Variants in DUSP16 observed in about 807,000 individuals in gnomAD.
The protein encoded by DUSP16 is dual specificity protein phosphatase 16.
Under a neutral mutation model 58.3 loss-of-function variants are expected in DUSP16, and 21 were observed. That is an observed-to-expected ratio of 0.36 (90% confidence interval 0.26 to 0.52). The LOEUF is 0.52. DUSP16 is among the 20% of genes least tolerant of loss of function. The pLI is 0.94. For missense variants in DUSP16, 726 were observed against 819.0 expected, an observed-to-expected ratio of 0.89 and a Z score of 1.39; for synonymous variants, 320 against 323.8, an observed-to-expected ratio of 0.99 and a Z score of 0.12.
intron 4 of DUSP16, among the ~76,000 whole-genome samples, chr12:12,495,227 A>C (rs1943812575): frequency 7.4e-6 from 1 of 135,748 alleles, no homozygotes; most frequent in African/African-American, 2.7e-5. Context: ...TATCTCAGTA[A>C]AGCCATTACA....
chr12:12,518,104 C>T (rs12809855), intron 3 of DUSP16, among the ~76,000 whole-genome samples: 1 of 152,228 alleles, frequency 6.6e-6, no homozygotes, highest in Non-Finnish European at 1.5e-5. Context: ...CTCTGGGGGG[C>T]TGTCTACTTG....
intron 1 of DUSP16, among the ~76,000 whole-genome samples, chr12:12,551,323 G>A (rs925057241): frequency 2.0e-5 from 3 of 151,758 alleles, no homozygotes; most frequent in South Asian, 2.1e-4. Flanking sequence ...CCAACATGGC[G>A]AAACCCCCAT....
At chr12:12,549,120 A>G (rs1048316357) in intron 1 of DUSP16, among the ~76,000 whole-genome samples, 2 of 152,122 alleles carry the variant, frequency 1.3e-5, no homozygotes, top group African/African-American at 2.4e-5. Flanking sequence ...CCAAAACCCA[A>G]AACCTAATTT....
intron 1 of DUSP16, among the ~76,000 whole-genome samples, chr12:12,551,299 C>T (rs762504153): frequency 3.3e-5 from 5 of 151,730 alleles, no homozygotes; most frequent in Non-Finnish European, 7.4e-5. Flanking sequence ...GCCAGGAGTT[C>T]AAGACCAGCC....
chr12:12,501,240 G>T (rs761558535), intron 3 of DUSP16, among the ~76,000 whole-genome samples: 1 of 152,126 alleles, frequency 6.6e-6, no homozygotes, highest in Non-Finnish European at 1.5e-5. Context: ...GGATTCCCTG[G>T]GCAGTTAGTC....
rs1943490265 is a variant in DUSP16 at position 12,478,000 on chromosome 12, T to C, written c.831A>G (p.Lys277=). The change falls in exon 7 of 7, where the codon AAA becomes AAG. Residue 277 remains lysine (K), a synonymous_variant. Transcript: ENST00000298573. The surrounding 1 kb of genome is among the most constrained non-coding windows in gnomAD (Gnocchi z 4.1). ...TGAAGTTTGGAGATATAGTAGGTCT[T>C]TTTTCTTTCACAAATCTGCAGAGAG... ...LDEAYRFVKE[K]RPTISPNFNF... 6.3e-7 allele frequency: 1 copy of C among 1,578,670 alleles called. No homozygotes were observed.
intron 1 of DUSP16, among the ~76,000 whole-genome samples, 151 bp downstream of exon 1, chr12:12,561,966 C>G (rs1353324281): frequency 2.0e-5 from 3 of 150,402 alleles, no homozygotes; most frequent in South Asian, 2.1e-4. Context: ...CCGGTACGCC[C>G]GGGAAGGCAG....
intron 1 of DUSP16, among the ~76,000 whole-genome samples, chr12:12,549,714 G>C (rs1944697509): frequency 6.6e-6 from 1 of 151,484 alleles, no homozygotes; most frequent in East Asian, 1.9e-4. Context: ...CCTGGATTTT[G>C]AATACAATAA....
chr12:12,554,731 C>G (rs1167818749), intron 1 of DUSP16: 1 of 151,880 alleles, frequency 6.6e-6, no homozygotes, highest in African/African-American at 2.4e-5. Flanking sequence ...ACTATTATAG[C>G]TGAAAACATT....
In DUSP16 at chr12:12,477,717, C is replaced by G. The variant is rs756649680; in HGVS notation, c.1114G>C (p.Glu372Gln). The G allele has an allele frequency of 5.6e-6, 9 of 1,612,462 alleles. No homozygotes were observed. The highest frequency in any genetic ancestry group is 5.5e-5 in the South Asian group (5 of 90,954). ...SVPSVQPSLL[E>Q]DSPLVQALSG... ...AGCGCCTGTACCAGCGGGCTGTCCT[C>G]TAACAGCGACGGCTGCACGCTGGGC... Residue 372 changes from glutamate to glutamine, a missense_variant, in exon 7 of 7, where the codon GAG (glutamate) becomes CAG (glutamine). By Grantham distance (29) the Glu-to-Gln change is conservative. Transcript: ENST00000298573. This position sits in a 1 kb window ranked among gnomAD's most constrained non-coding sequence, Gnocchi z 4.1.
intron 3 of DUSP16, among the ~76,000 whole-genome samples, chr12:12,502,246 A>C (rs892698831): frequency 6.6e-6 from 1 of 152,212 alleles, no homozygotes; most frequent in Non-Finnish European, 1.5e-5. Flanking sequence ...TAATTCAAGC[A>C]TAATTCAGCC....
At chr12:12,560,618 T>C (rs917868839) in intron 1 of DUSP16, 4 of 152,196 alleles carry the variant, frequency 2.6e-5, no homozygotes, top group East Asian at 1.9e-4. Flanking sequence ...CTGCTTTTCA[T>C]TTTACTTCTC....
In DUSP16 at chr12:12,477,856, A is replaced by G; in HGVS notation, c.975T>C (p.Ala325=). The change falls in exon 7 of 7, where the codon GCT becomes GCC. Residue 325 remains alanine, a synonymous_variant. Transcript: ENST00000298573. This position sits in a 1 kb window ranked among gnomAD's most constrained non-coding sequence, Gnocchi z 4.1. Reference sequence around the variant, plus strand: ...CGCTTTTCTGTCCACCCTCTGAGACAGCAGGGACAGGTTCATTTGGCTTCT... The same window carrying G: ...CGCTTTTCTGTCCACCCTCTGAGACGGCAGGGACAGGTTCATTTGGCTTCT... The part of the protein sequence containing the change: ...HLEKPNEPVP[A]VSEGGQKSET... 1.2e-6 allele frequency: 2 copies of G among 1,614,170 alleles called. No individual in the cohort carries two copies. The highest frequency in any genetic ancestry group is 1.7e-6 in the Non-Finnish European group (2 of 1,180,044).
In DUSP16 at chr12:12,488,606, CT is replaced by C. The variant is rs1337838994; in HGVS notation, c.532-1420del. On this transcript the variant is annotated intron_variant, in intron 4 of 6. Coordinates refer to ENST00000298573, the MANE Select transcript of DUSP16 (RefSeq NM_030640.3). Reference sequence around the variant, plus strand: ...CCAAGCCTGGAATAATTATCTTAGTCTAAGCAATCTTGGTCATTTCTTCCTT... The same window carrying C: ...CCAAGCCTGGAATAATTATCTTAGTCAAGCAATCTTGGTCATTTCTTCCTT... Among the ~76,000 whole-genome samples the C allele has an allele frequency of 4.6e-5, 7 of 152,284 alleles. No individual in the cohort carries two copies. The East Asian group carries it at 1.3e-3, about 29-fold the overall frequency.
intron 6 of DUSP16, among the ~76,000 whole-genome samples, chr12:12,478,373 C>T (rs1323124143): frequency 6.6e-6 from 1 of 151,952 alleles, no homozygotes; most frequent in African/African-American, 2.4e-5. Flanking sequence ...TGTTCTGTCG[C>T]CCAGGCTGGA....
chr12:12,540,557 T>C (rs1364670799), intron 1 of DUSP16, among the ~76,000 whole-genome samples: 1 of 152,180 alleles, frequency 6.6e-6, no homozygotes, highest in Non-Finnish European at 1.5e-5. Flanking sequence ...CTTTGGAGGA[T>C]ACAATTTTAA....
chr12:12,549,906 T>C (rs1485557865), intron 1 of DUSP16, among the ~76,000 whole-genome samples: 1 of 152,154 alleles, frequency 6.6e-6, no homozygotes, highest in Non-Finnish European at 1.5e-5. Flanking sequence ...CATAATAGTA[T>C]CTGGCCACAT....
intron 1 of DUSP16, among the ~76,000 whole-genome samples, chr12:12,547,469 A>T (rs1944660471): frequency 6.6e-6 from 1 of 150,728 alleles, no homozygotes; most frequent in South Asian, 2.1e-4. Flanking sequence ...AAAAAAAAAA[A>T]AAGAAAATAC....
At chr12:12,480,124 T>C in intron 6 of DUSP16, 99 bp downstream of exon 6, 1 of 1,461,240 alleles carries the variant, frequency 6.8e-7, no homozygotes, top group Non-Finnish European at 9.2e-7. Flanking sequence ...GTGACTAAAA[T>C]AATCATGATC....
Sources: gnomAD v4.1 joint callset for allele counts (sites outside exome capture counted in the v4.1 genomes callset) on GRCh38, gnomAD v4.1.1 for gene constraint, Gnocchi (gnomAD v3.1) non-coding constraint, MANE v1.5 for transcripts, NCBI Gene and HGNC (gene_info 2026-07-23, HGNC 2026-07-21) for gene names.